SYCP2: variants seen among roughly 807,000 people sequenced by gnomAD.
SYCP2 encodes synaptonemal complex protein 2.
Under a neutral mutation model 211.3 loss-of-function variants are expected in SYCP2, and 55 were observed. That is an observed-to-expected ratio of 0.26 (90% confidence interval 0.21 to 0.33). The LOEUF is 0.33. SYCP2 is among the 10% of genes least tolerant of loss of function. The pLI is 1.00. For missense variants in SYCP2, 1,731 were observed against 1,752.0 expected (o/e 0.99, Z 0.21); for synonymous variants, 570 against 555.2 (o/e 1.03, Z -0.37).
chr20:59,920,461 A>C lies in SYCP2; in HGVS notation c.195T>G (p.Asn65Lys). The stretch of plus-strand genomic sequence containing the variant: ...CAACAGAAACCAAAATGGCTGAAAC[A>C]TTGTGGATATCCTCTTTATTAAGTT... ...CRELNKEDIHNVSAILVSVGR... is the reference protein window; with the variant it reads ...CRELNKEDIHKVSAILVSVGR... Residue 65 changes from asparagine to lysine, a missense_variant, in exon 5 of 45, where the codon AAT becomes AAG. Transcript: ENST00000357552. The C allele has an allele frequency of 6.2e-7, 1 of 1,605,402 alleles. No individual in the cohort carries two copies. The highest frequency in any genetic ancestry group is 8.5e-7 in the Non-Finnish European group (1 of 1,174,216).
At chr20:59,871,350 A>G (rs1467771439) in intron 35 of SYCP2, among the ~76,000 whole-genome samples, 1 of 151,234 alleles carries the variant, frequency 6.6e-6, no homozygotes, top group Non-Finnish European at 1.5e-5. Context: ...TAGAGAAATG[A>G]GCACTATCTC....
At chr20:59,869,651 T>C (rs6070983) in intron 36 of SYCP2, 147 bp downstream of exon 36, 12,676 of 502,222 alleles carry the variant, frequency 0.025, 211 homozygotes, top group Middle Eastern at 0.038. Flanking sequence ...GATCAAGCCA[T>C]TCTATATACT....
At position 59,912,322 on chromosome 20, in the gene SYCP2, C is replaced by G. The variant is rs775982172; in HGVS notation, c.876+51G>C. On this transcript the variant is annotated intron_variant, in intron 13 of 44. Transcript: ENST00000357552. ...CATTTTTAACTCATAATTCACTTGA[C>G]TATCAAAATTCATGCAATAACTAAA... is the stretch of plus-strand genomic sequence containing the variant. 4.2e-6 allele frequency: 3 copies of G among 720,540 alleles called. No homozygotes were observed. In the African/African-American group the frequency reaches 5.5e-5, roughly 13 times the overall value. The allele number at this position is 720,540 out of a possible 1,614,324, so 44.6% of individuals were successfully genotyped here. A position where few individuals can be genotyped will look rare whatever the true frequency, so the allele number is the denominator to read the frequency against.
chr20:59,905,469 CTTTT>C (rs1311835073), intron 15 of SYCP2, among the ~76,000 whole-genome samples: 6 of 152,006 alleles, frequency 3.9e-5, no homozygotes, highest in Non-Finnish European at 7.4e-5. Flanking sequence ...ATGCTTGAAT[CTTTT>C]TTTAAAAAAG....
chr20:59,922,542 T>C (rs2060561418), intron 2 of SYCP2, 83 bp from the exon 3 acceptor site: 1 of 599,502 alleles, frequency 1.7e-6, no homozygotes, highest in Non-Finnish European at 2.7e-6. Context: ...CACATAAATA[T>C]GCATTTGTTA....
At chr20:59,912,662 A>T (rs1271465093) in intron 12 of SYCP2, among the ~76,000 whole-genome samples, 1 of 152,160 alleles carries the variant, frequency 6.6e-6, no homozygotes, top group East Asian at 1.9e-4. Context: ...GATTGCACCA[A>T]ATGTTTTTGT....
Position 59,864,182 on chromosome 20 carries a change from G to T in SYCP2, c.*129C>A. On this transcript the variant is annotated 3_prime_UTR_variant, in exon 45 of 45. Transcript: ENST00000357552. ...ATTAAAAGACATTTTTTTTTAATTTGAGGGTTCCTATAAAGGGTACACTTG... is the reference window on the plus strand; with the variant it reads ...ATTAAAAGACATTTTTTTTTAATTTTAGGGTTCCTATAAAGGGTACACTTG... 3 of 562,902 alleles carry T rather than the reference G, an allele frequency of 5.3e-6. No individual in the cohort carries two copies. The highest frequency in any genetic ancestry group is 8.9e-6 in the Non-Finnish European group (3 of 337,104). The allele number at this position is 562,902 out of a possible 1,614,324, so 34.9% of individuals were successfully genotyped here. A position where few individuals can be genotyped will look rare whatever the true frequency, so the allele number is the denominator to read the frequency against.
chr20:59,909,773 A>G (rs1339350664), intron 14 of SYCP2, among the ~76,000 whole-genome samples: 1 of 152,220 alleles, frequency 6.6e-6, no homozygotes, highest in Admixed American at 6.5e-5. Context: ...CTTATACTCT[A>G]TGCGGGAAAG....
intron 26 of SYCP2, among the ~76,000 whole-genome samples, chr20:59,883,855 G>A (rs1411333608): frequency 6.6e-6 from 1 of 151,914 alleles, no homozygotes; most frequent in East Asian, 1.9e-4. Context: ...ATAATAGTTT[G>A]TTGCACCAAC....
intron 34 of SYCP2, among the ~76,000 whole-genome samples, chr20:59,874,687 T>C (rs1177317191): frequency 6.6e-6 from 1 of 152,042 alleles, no homozygotes; most frequent in African/African-American, 2.4e-5. Context: ...TTAGAAATGC[T>C]TTAAAATGTC....
At chr20:59,924,523 C>A (rs965198205) in intron 2 of SYCP2, among the ~76,000 whole-genome samples, 4 of 151,936 alleles carry the variant, frequency 2.6e-5, no homozygotes, top group Non-Finnish European at 5.9e-5. Flanking sequence ...ATACCCCATT[C>A]TCCATAATGT....
intron 15 of SYCP2, among the ~76,000 whole-genome samples, chr20:59,905,251 A>C (rs927991736): frequency 1.3e-5 from 2 of 152,174 alleles, no homozygotes; most frequent in African/African-American, 4.8e-5. Context: ...CTAACCACTG[A>C]ACTTCTTAGT....
chr20:59,867,561 G>T, intron 39 of SYCP2, 150 bp downstream of exon 39: 1 of 563,606 alleles, frequency 1.8e-6, no homozygotes, highest in South Asian at 2.8e-5. Flanking sequence ...GTAATATACA[G>T]ATTTTATTCC....
Position 59,915,500 on chromosome 20 carries a change from C to T in SYCP2, c.564G>A (p.Arg188=), listed in dbSNP as rs758540877. 2 of 1,610,540 alleles carry T rather than the reference C, an allele frequency of 1.2e-6. No homozygotes were observed. Among genetic ancestry groups the T allele is most frequent in the Non-Finnish European group, 1.7e-6 (2 of 1,177,216 alleles). Residue 188 remains arginine, a synonymous_variant, in exon 9 of 45, where the codon CGG becomes CGA. Coordinates refer to ENST00000357552, the MANE Select transcript of SYCP2 (RefSeq NM_014258.4). ...ACATTTCTTGGTTAGAGAGTATTTT[C>T]CGGGCATCTTGAGGCATTTTGTCAA... ...AMLDKMPQDA[R]KILSNQEMLI... is the part of the protein sequence containing the mutation.
chr20:59,915,746 C>A (rs915445604), intron 8 of SYCP2, 196 bp from the exon 9 acceptor site: 25 of 381,426 alleles, frequency 6.6e-5, no homozygotes, highest in Non-Finnish European at 9.4e-5. Context: ...ATAATACCAG[C>A]ACTTTGGGAG....
At chr20:59,868,982 T>G in intron 36 of SYCP2, 57 bp from the exon 37 acceptor site, 1 of 1,284,946 alleles carries the variant, frequency 7.8e-7, no homozygotes, top group Non-Finnish European at 1.1e-6. Flanking sequence ...CAATTCACAT[T>G]TTATCACCTT....
At chr20:59,908,819 C>G (rs1320591259) in intron 14 of SYCP2, among the ~76,000 whole-genome samples, 2 of 152,112 alleles carry the variant, frequency 1.3e-5, no homozygotes, top group Non-Finnish European at 2.9e-5. Context: ...CAACCTCTCC[C>G]TATCTGCCCT....
In SYCP2 at chr20:59,867,711, A is replaced by G. The variant is rs2059378812; in HGVS notation, c.4125T>C (p.Asn1375=). The G allele has an allele frequency of 6.2e-7, 1 of 1,602,348 alleles. No homozygotes were observed. Among genetic ancestry groups the G allele is most frequent in the Non-Finnish European group, 8.5e-7 (1 of 1,170,898 alleles). ...AATCATAATTTAAAGAATAACTCAC[A>G]TTATTCCTTCTCTTAAATTCTGAAT... is the stretch of plus-strand genomic sequence containing the variant. ...RLNSEFKRRN[N]IRHKMLSYFT... Residue 1375 remains asparagine, a splice_region_variant and synonymous_variant, in exon 39 of 45, where the codon AAT becomes AAC. Transcript: ENST00000357552.
At chr20:59,873,500 C>T (rs1380510194) in intron 35 of SYCP2, among the ~76,000 whole-genome samples, 1 of 152,106 alleles carries the variant, frequency 6.6e-6, no homozygotes, top group Non-Finnish European at 1.5e-5. Flanking sequence ...GAATTACACA[C>T]AATGTAAAAC....
Sources: allele counts gnomAD v4.1 joint callset (sites outside exome capture counted in the v4.1 genomes callset), GRCh38; gene constraint gnomAD v4.1.1; transcripts MANE v1.5; gene names NCBI Gene and HGNC (gene_info 2026-07-23, HGNC 2026-07-21).